The following TAMM41 variants were observed in gnomAD, a reference collection of about 807,000 sequenced individuals.
The protein encoded by TAMM41 is TAM41 mitochondrial translocator assembly and maintenance homolog.
In TAMM41, 36 loss-of-function variants were observed where a neutral mutation model predicts 44.1. That is an observed-to-expected ratio of 0.82 (90% confidence interval 0.63 to 1.08). The LOEUF (loss-of-function observed/expected upper bound fraction) is 1.08. TAMM41 is among the 50% of genes least tolerant of loss of function. The pLI is 0.00. For missense variants in TAMM41, 417 were observed against 404.3 expected (o/e 1.03, Z -0.27); for synonymous variants, 164 against 153.1 (o/e 1.07, Z -0.53).
At chr3:11,746,089 A>C in the TAMM41 span, among the ~76,000 whole-genome samples, 1 of 152,192 alleles carries the variant, frequency 6.6e-6, no homozygotes, top group Non-Finnish European at 1.5e-5. Context: ...TCACGAGGTC[A>C]GGAGATCGAG....
the TAMM41 span, among the ~76,000 whole-genome samples, chr3:11,764,221 C>T: frequency 6.6e-6 from 1 of 151,780 alleles, no homozygotes; most frequent in Non-Finnish European, 1.5e-5. Context: ...GTTTTGAAGT[C>T]CTGGGCTCAA....
At chr3:11,725,403 C>CTCTTCTTCT in the TAMM41 span, among the ~76,000 whole-genome samples, 19 of 129,548 alleles carry the variant, frequency 1.5e-4, no homozygotes, top group African/African-American at 5.8e-4. Flanking sequence ...TTTCTTCTTC[C>CTCTTCTTCT]TCTTCTTCTT....
At chr3:11,752,465 C>A in the TAMM41 span, among the ~76,000 whole-genome samples, 1 of 151,980 alleles carries the variant, frequency 6.6e-6, no homozygotes, top group Non-Finnish European at 1.5e-5. Context: ...TTACAAACCT[C>A]TAGCTAGCCA....
At chr3:11,824,848 C>G (rs767900972) in intron 4 of TAMM41, among the ~76,000 whole-genome samples, 8 of 152,086 alleles carry the variant, frequency 5.3e-5, no homozygotes, top group Middle Eastern at 3.2e-3. Context: ...TACAGTGTAG[C>G]CGACTGTGGA....
the TAMM41 span, among the ~76,000 whole-genome samples, chr3:11,772,237 A>ATTTT: frequency 3.3e-3 from 448 of 136,354 alleles, 10 homozygotes; most frequent in Non-Finnish European, 1.2e-3. Context: ...CAGCTGGCTA[A>ATTTT]TTTTTTTTTT....
chr3:11,739,369 T>A, the TAMM41 span, among the ~76,000 whole-genome samples: 88 of 152,202 alleles, frequency 5.8e-4, no homozygotes, highest in Non-Finnish European at 8.2e-4. Context: ...ACAGGAGTAG[T>A]CAAATGACTA....
At chr3:11,761,048 G>C in the TAMM41 span, among the ~76,000 whole-genome samples, 11 of 151,674 alleles carry the variant, frequency 7.3e-5, no homozygotes, top group Admixed American at 6.6e-4. Context: ...GGCACCTGTA[G>C]TCCCAGCTAC....
At chr3:11,844,319 G>A (rs1465001308) in intron 1 of TAMM41, 108 bp from the exon 2 acceptor site, 10 of 1,036,170 alleles carry the variant, frequency 9.7e-6, no homozygotes, top group South Asian at 1.7e-5. Flanking sequence ...ATAGTCAGAA[G>A]GCCTGGTGCT....
rs572443557 is a variant in TAMM41, at chr3:11,813,526, T to C, written c.708+3666A>G. Among the ~76,000 whole-genome samples, 6 of 152,114 alleles carry C rather than the reference T, an allele frequency of 3.9e-5. 1 individual carries two copies. The highest frequency in any genetic ancestry group is 2.1e-4 in the South Asian group (1 of 4,812). ...GCCTGGGCAACAAAGAAAGACTCCA[T>C]CTCAAAAAAACAAAACAAAACAAAA... is the stretch of plus-strand genomic sequence containing the variant. On this transcript the variant is annotated intron_variant, in intron 5 of 7. Transcript: ENST00000455809.
chr3:11,768,145 G>GT, the TAMM41 span, among the ~76,000 whole-genome samples: 86,040 of 147,476 alleles, frequency 0.58, 25,375 homozygotes, highest in South Asian at 0.68. Context: ...AAACTTTTTT[G>GT]TTTTTTTTTT....
At chr3:11,825,345 C>T (rs7617855) in intron 4 of TAMM41, among the ~76,000 whole-genome samples, 20,783 of 152,142 alleles carry the variant, frequency 0.14, 3,052 homozygotes, top group East Asian at 0.47. Flanking sequence ...CAAATGACTA[C>T]TGAGTAACCT....
chr3:11,760,808 G>A, the TAMM41 span, among the ~76,000 whole-genome samples: 8 of 151,706 alleles, frequency 5.3e-5, no homozygotes, highest in South Asian at 1.1e-3. Context: ...TGATCCACCC[G>A]CTTTGGCCTC....
chr3:11,786,728 G>A (rs1423197920), downstream of TAMM41, among the ~76,000 whole-genome samples: 4 of 152,130 alleles, frequency 2.6e-5, no homozygotes, highest in Non-Finnish European at 5.9e-5. Context: ...AACCTCCTGA[G>A]TAGCTGGGGC....
At chr3:11,787,675 C>T (rs918898012), downstream of TAMM41, among the ~76,000 whole-genome samples, 1 of 152,138 alleles carries the variant, frequency 6.6e-6, no homozygotes, top group Non-Finnish European at 1.5e-5. Flanking sequence ...AGGTAATTTA[C>T]GTTATGTCAT....
chr3:11,744,933 G>A, the TAMM41 span, among the ~76,000 whole-genome samples: 1 of 150,008 alleles, frequency 6.7e-6, no homozygotes. Context: ...GTGCGATCTC[G>A]ACTCACTGCA....
At chr3:11,728,470 A>T in the TAMM41 span, among the ~76,000 whole-genome samples, 2 of 152,254 alleles carry the variant, frequency 1.3e-5, no homozygotes, top group African/African-American at 4.8e-5. Flanking sequence ...GTACAAGTAT[A>T]TATGAAAGCA....
At chr3:11,732,646 G>A in the TAMM41 span, among the ~76,000 whole-genome samples, 1 of 152,220 alleles carries the variant, frequency 6.6e-6, no homozygotes, top group Non-Finnish European at 1.5e-5. Context: ...CAGCAGAATA[G>A]CATCACTCCA....
At chr3:11,835,150 A>C (rs1050832540) in intron 3 of TAMM41, among the ~76,000 whole-genome samples, 2 of 151,758 alleles carry the variant, frequency 1.3e-5, no homozygotes, top group African/African-American at 4.8e-5. Flanking sequence ...TTCTTTCTTA[A>C]GATATTTACC....
chr3:11,816,139 T>C (rs1212414624), intron 5 of TAMM41, among the ~76,000 whole-genome samples: 9 of 152,076 alleles, frequency 5.9e-5, no homozygotes, highest in African/African-American at 1.9e-4. Flanking sequence ...CTATTACTCA[T>C]TACAATGTTA....
Sources: gnomAD v4.1 joint callset for allele counts (sites outside exome capture counted in the v4.1 genomes callset) on GRCh38, gnomAD v4.1.1 for gene constraint, MANE v1.5 for transcripts, NCBI Gene and HGNC (gene_info 2026-07-23, HGNC 2026-07-21) for gene names.